The following TNNI3K variants were observed in gnomAD, a reference collection of about 807,000 sequenced individuals.
TNNI3K encodes serine/threonine-protein kinase TNNI3K.
In TNNI3K, 140 loss-of-function variants were observed where a neutral mutation model predicts 114.5. The observed-to-expected ratio is 1.22, with a 90% CI of 1.07 to 1.41. The LOEUF (loss-of-function observed/expected upper bound fraction) is 1.41. Among genes scored for constraint, TNNI3K ranks in the 40% most tolerant of loss-of-function variants. The probability of loss-of-function intolerance (pLI) is 0.00; values close to 1 mark genes in which losing one functional copy is unlikely to be tolerated. For synonymous variants in TNNI3K, 347 were observed against 347.5 expected (o/e 1.00, Z 0.02); for missense variants, 1,125 against 1,007.6 (o/e 1.12, Z -1.58).
At chr1:74,386,589 T>C (rs1663491652) in intron 17 of TNNI3K, among the ~76,000 whole-genome samples, 1 of 152,118 alleles carries the variant, frequency 6.6e-6, no homozygotes, top group Non-Finnish European at 1.5e-5. Flanking sequence ...GTGTAATAAA[T>C]ATAAAATCAG....
intron 23 of TNNI3K, among the ~76,000 whole-genome samples, chr1:74,500,560 C>T (rs1270161673): frequency 8.1e-6 from 1 of 122,930 alleles, no homozygotes; most frequent in East Asian, 2.8e-4. Context: ...GCTGAGATCC[C>T]GCCACTGCAC....
intron 5 of TNNI3K, among the ~76,000 whole-genome samples, chr1:74,315,965 T>C (rs989818811): frequency 3.9e-5 from 6 of 152,162 alleles, no homozygotes; most frequent in Non-Finnish European, 8.8e-5. Flanking sequence ...AAGTATAAAA[T>C]ATAGCTTTAT....
At chr1:74,316,073 A>C (rs1659287350) in intron 5 of TNNI3K, among the ~76,000 whole-genome samples, 1 of 152,226 alleles carries the variant, frequency 6.6e-6, no homozygotes, top group African/African-American at 2.4e-5. Flanking sequence ...ACAAATATTT[A>C]CCAAGCAACT....
At chr1:74,526,214 G>C (rs1293860463) in intron 23 of TNNI3K, among the ~76,000 whole-genome samples, 1 of 152,242 alleles carries the variant, frequency 6.6e-6, no homozygotes, top group South Asian at 2.1e-4. Flanking sequence ...ATTTCTTGCA[G>C]GGATGTGAAT....
intron 20 of TNNI3K, 79 bp downstream of exon 20, chr1:74,439,701 A>G (rs368916501): frequency 6.3e-7 from 1 of 1,578,544 alleles, no homozygotes. Flanking sequence ...ATTTTTTTTC[A>G]CAAAATGATT....
intron 11 of TNNI3K, among the ~76,000 whole-genome samples, chr1:74,356,489 C>T (rs1324480636): frequency 6.6e-6 from 1 of 152,164 alleles, no homozygotes; most frequent in African/African-American, 2.4e-5. Flanking sequence ...GGAGGCCTTA[C>T]TAAATTCTAC....
chr1:74,359,932 C>G (rs374826305), intron 11 of TNNI3K, among the ~76,000 whole-genome samples: 1 of 151,822 alleles, frequency 6.6e-6, no homozygotes, highest in African/African-American at 2.4e-5. Context: ...TTCAATCAGC[C>G]ATTTAATGGT....
At chr1:74,439,451 C>A in intron 19 of TNNI3K, 39 bp from the exon 20 acceptor site, 1 of 1,598,844 alleles carries the variant, frequency 6.3e-7, no homozygotes, top group East Asian at 2.2e-5. Flanking sequence ...AAGAACCAAA[C>A]ACTTGGTAAA....
intron 4 of TNNI3K, among the ~76,000 whole-genome samples, chr1:74,251,386 G>A (rs894081722): frequency 3.2e-5 from 3 of 93,012 alleles, no homozygotes; most frequent in Admixed American, 2.3e-4. Context: ...ATTATGCATT[G>A]ATCATTTTAT....
At chr1:74,263,073 A>G (rs1035645974) in intron 4 of TNNI3K, among the ~76,000 whole-genome samples, 1 of 152,080 alleles carries the variant, frequency 6.6e-6, no homozygotes, top group African/African-American at 2.4e-5. Flanking sequence ...AAGACTGAAT[A>G]TTTTTGAGAT....
intron 21 of TNNI3K, chr1:74,480,685 C>T: frequency 1.4e-6 from 1 of 717,360 alleles, no homozygotes; most frequent in Non-Finnish European, 2.6e-6. Flanking sequence ...GGAACCAAGA[C>T]CCTCGTAGGG....
At chr1:74,377,828 C>A (rs1396221780) in intron 17 of TNNI3K, among the ~76,000 whole-genome samples, 1 of 152,052 alleles carries the variant, frequency 6.6e-6, no homozygotes, top group African/African-American at 2.4e-5. Flanking sequence ...ATGGAAACTG[C>A]TAGATCTTTG....
At chr1:74,342,538 C>T (rs566942434) in intron 7 of TNNI3K, among the ~76,000 whole-genome samples, 120 of 152,188 alleles carry the variant, frequency 7.9e-4, no homozygotes, top group African/African-American at 2.8e-3. Flanking sequence ...AGAAATAAGG[C>T]CACGTGTACC....
At chr1:74,291,300 G>A (rs1169672374) in intron 5 of TNNI3K, among the ~76,000 whole-genome samples, 1 of 151,478 alleles carries the variant, frequency 6.6e-6, no homozygotes, top group Non-Finnish European at 1.5e-5. Context: ...TTATGTAAAT[G>A]AAATCAAAGG....
At chr1:74,449,932 G>C (rs274593) in intron 20 of TNNI3K, among the ~76,000 whole-genome samples, 57,612 of 68,270 alleles carry the variant, frequency 0.84, 24,603 homozygotes, top group Middle Eastern at 0.95. Context: ...AACTCTCCAC[G>C]CCAAATCAAC....
At chr1:74,537,277 G>T (rs1175925689) in intron 23 of TNNI3K, among the ~76,000 whole-genome samples, 2 of 152,114 alleles carry the variant, frequency 1.3e-5, no homozygotes, top group African/African-American at 2.4e-5. Context: ...AAAGAAGTTA[G>T]GTATATTAAT....
At chr1:74,351,745 C>T (rs1293452398) in intron 9 of TNNI3K, among the ~76,000 whole-genome samples, 1 of 152,198 alleles carries the variant, frequency 6.6e-6, no homozygotes, top group Non-Finnish European at 1.5e-5. Context: ...ACCCTTTCTT[C>T]CAGTTGATCG....
chr1:74,380,541 C>G (rs141849517), intron 17 of TNNI3K, among the ~76,000 whole-genome samples: 22 of 152,268 alleles, frequency 1.4e-4, no homozygotes, highest in Admixed American at 5.2e-4. Flanking sequence ...CCTCTAAAAC[C>G]TTTCAAATGC....
chr1:74,270,394 A>T lies in TNNI3K; in HGVS notation c.334-1204A>T, dbSNP rs1656269274. 1.3e-5 allele frequency among the ~76,000 whole-genome samples: 2 copies of T among 151,530 alleles called. 1 individual carries two copies. Among genetic ancestry groups the T allele is most frequent in the South Asian group, 4.2e-4 (2 of 4,796 alleles). On this transcript the variant is annotated intron_variant, in intron 4 of 24. Coordinates refer to ENST00000326637, the MANE Select transcript of TNNI3K (RefSeq NM_015978.3). ...AAAAAAAAAACAAAACTTTTTTTTT[A>T]AAACGGAGAAAACATAAGTTTATAG...
Sources: gnomAD v4.1 joint callset for allele counts (sites outside exome capture counted in the v4.1 genomes callset) on GRCh38, gnomAD v4.1.1 for gene constraint, MANE v1.5 for transcripts, NCBI Gene and HGNC (gene_info 2026-07-23, HGNC 2026-07-21) for gene names.